The following ZRANB3 variants were observed in gnomAD, a reference collection of about 807,000 sequenced individuals.
ZRANB3 encodes zinc finger RANBP2-type containing 3.
A neutral mutation model predicts 133.8 loss-of-function variants in ZRANB3; 125 were observed. The observed-to-expected ratio is 0.93, with a 90% CI of 0.81 to 1.08. The LOEUF (loss-of-function observed/expected upper bound fraction) is 1.08. Ranked by LOEUF, ZRANB3 falls within the 50% of genes least tolerant of loss-of-function variation. The pLI is 0.00. For missense variants in ZRANB3, 1,229 were observed against 1,275.5 expected, an observed-to-expected ratio of 0.96 and a Z score of 0.56; for synonymous variants, 387 against 432.7, an observed-to-expected ratio of 0.89 and a Z score of 1.31.
At chr2:135,329,371 A>ATG (rs1558920887) in intron 6 of ZRANB3, among the ~76,000 whole-genome samples, 1 of 151,972 alleles carries the variant, frequency 6.6e-6, no homozygotes, top group Non-Finnish European at 1.5e-5. Context: ...ATGGTTGTAG[A>ATG]TGTGTGGTGT....
intron 2 of ZRANB3, among the ~76,000 whole-genome samples, chr2:135,416,439 C>A (rs1310256334): frequency 4.6e-5 from 7 of 152,168 alleles, no homozygotes; most frequent in African/African-American, 1.7e-4. Flanking sequence ...CTACAAACCA[C>A]TGCTCAATGA....
intron 2 of ZRANB3, among the ~76,000 whole-genome samples, chr2:135,422,560 G>A (rs1688909632): frequency 6.6e-6 from 1 of 152,164 alleles, no homozygotes; most frequent in African/African-American, 2.4e-5. Flanking sequence ...AATTCCAGAA[G>A]GTGGAAAGGA....
rs769732312 is a variant in ZRANB3, at chr2:135,313,477, A to G, written c.966+12T>C. 1.3e-6 allele frequency: 2 copies of G among 1,559,102 alleles called. No homozygotes were observed. The highest frequency in any genetic ancestry group is 8.8e-7 in the Non-Finnish European group (1 of 1,134,286). ...TATGAAGACAAATACATGATGGCCC[A>G]GCAAAGAGTACCTTGGCAATAGCAG... On this transcript the variant is annotated intron_variant, in intron 8 of 20. Transcript: ENST00000264159.
At chr2:135,404,866 T>G (rs1558975273) in intron 2 of ZRANB3, among the ~76,000 whole-genome samples, 1 of 152,112 alleles carries the variant, frequency 6.6e-6, no homozygotes, top group Non-Finnish European at 1.5e-5. Flanking sequence ...TGCAAAATCA[T>G]GCCAAAATGT....
chr2:135,416,598 GA>G (rs1211997854), intron 2 of ZRANB3, among the ~76,000 whole-genome samples: 1 of 150,900 alleles, frequency 6.6e-6, no homozygotes, highest in Non-Finnish European at 1.5e-5. Context: ...CACAGAATTG[GA>G]AAAAACTACT....
intron 2 of ZRANB3, among the ~76,000 whole-genome samples, chr2:135,403,976 G>A (rs145021185): frequency 0.032 from 4,821 of 152,064 alleles, 246 homozygotes; most frequent in African/African-American, 0.11. Context: ...AAAGACCAAA[G>A]GTAGATAAAA....
intron 6 of ZRANB3, 147 bp from the exon 7 acceptor site, chr2:135,315,677 C>A: frequency 1.6e-6 from 1 of 641,928 alleles, no homozygotes; most frequent in South Asian, 3.2e-5. Flanking sequence ...TCAAAAAGCT[C>A]AGCCTGAAAA....
At chr2:135,353,810 G>A (rs1307614790) in intron 3 of ZRANB3, among the ~76,000 whole-genome samples, 182 bp from the exon 4 acceptor site, 1 of 151,980 alleles carries the variant, frequency 6.6e-6, no homozygotes. Context: ...AGACCAGCCT[G>A]GCCAACATGG....
At chr2:135,267,341 C>A (rs2105114709) in intron 11 of ZRANB3, among the ~76,000 whole-genome samples, 1 of 152,202 alleles carries the variant, frequency 6.6e-6, no homozygotes, top group South Asian at 2.1e-4. Flanking sequence ...GTCTCTCTTC[C>A]TCTTCCTATA....
intron 1 of ZRANB3, among the ~76,000 whole-genome samples, chr2:135,520,036 C>G (rs1375118479): frequency 2.0e-5 from 3 of 151,810 alleles, no homozygotes; most frequent in Non-Finnish European, 4.4e-5. Context: ...CCGGACCTAT[C>G]AGTAATCACT....
At chr2:135,476,541 T>C (rs752560276) in intron 2 of ZRANB3, among the ~76,000 whole-genome samples, 1 of 152,158 alleles carries the variant, frequency 6.6e-6, no homozygotes, top group Admixed American at 6.5e-5. Flanking sequence ...TGAAAATTCC[T>C]ATAATAAAAA....
At chr2:135,475,922 A>G (rs991774138) in intron 2 of ZRANB3, among the ~76,000 whole-genome samples, 2 of 152,064 alleles carry the variant, frequency 1.3e-5, no homozygotes, top group Admixed American at 6.5e-5. Flanking sequence ...TACTAAAAAT[A>G]CCAAAATTAG....
rs768316771 is a variant in ZRANB3 at position 135,208,921 on chromosome 2, C to T, written c.2553G>A (p.Gly851=). The T allele has an allele frequency of 3.7e-6, 6 of 1,613,914 alleles. No individual in the cohort carries two copies. Among genetic ancestry groups the T allele is most frequent in the Non-Finnish European group, 3.4e-6 (4 of 1,179,878 alleles). The change falls in exon 18 of 21, where the codon GGG becomes GGA. Residue 851 remains glycine, a synonymous_variant. Coordinates refer to ENST00000264159, the MANE Select transcript of ZRANB3 (RefSeq NM_032143.4). ...VASMDKVKNV[G]GHVRLITKES... ...CCTTTGTGATCAGACGGACATGGCCCCCAACATTCTTCACTTTGTCCATTG... is the reference window on the plus strand; with the variant it reads ...CCTTTGTGATCAGACGGACATGGCCTCCAACATTCTTCACTTTGTCCATTG...
chr2:135,462,434 G>A (rs775066841), intron 2 of ZRANB3, among the ~76,000 whole-genome samples: 11 of 152,140 alleles, frequency 7.2e-5, no homozygotes, highest in Non-Finnish European at 1.5e-4. Context: ...CGTGGCAAAT[G>A]TAGCCTATTC....
chr2:135,356,901 C>G (rs1375724255), intron 3 of ZRANB3, among the ~76,000 whole-genome samples: 1 of 151,926 alleles, frequency 6.6e-6, no homozygotes, highest in African/African-American at 2.4e-5. Context: ...GCAGGCTGGT[C>G]TCGAACTCCT....
At chr2:135,493,076 T>C (rs1240417120) in intron 2 of ZRANB3, among the ~76,000 whole-genome samples, 15 of 113,002 alleles carry the variant, frequency 1.3e-4, no homozygotes, top group African/African-American at 4.9e-4. Flanking sequence ...TCACCCCGTA[T>C]TTAAAAATTG....
At chr2:135,489,050 A>C (rs1300930735) in intron 2 of ZRANB3, among the ~76,000 whole-genome samples, 4 of 151,998 alleles carry the variant, frequency 2.6e-5, no homozygotes, top group East Asian at 3.9e-4. Context: ...TCTAGCCCAT[A>C]CTGTTTGCAA....
At chr2:135,359,597 CAAAGAAAAGAAA>C (rs1378455832) in intron 3 of ZRANB3, among the ~76,000 whole-genome samples, 9 of 139,040 alleles carry the variant, frequency 6.5e-5, no homozygotes, top group South Asian at 4.7e-4. Context: ...AAAAAGGAAA[CAAAGAAAAGAAA>C]AAAGAAAAGA....
intron 3 of ZRANB3, among the ~76,000 whole-genome samples, chr2:135,385,211 A>C (rs1205484179): frequency 1.3e-5 from 2 of 152,210 alleles, no homozygotes; most frequent in African/African-American, 4.8e-5. Context: ...ACAAACAGAG[A>C]GCCAAATGGT....
Sources: allele counts gnomAD v4.1 joint callset (sites outside exome capture counted in the v4.1 genomes callset), GRCh38; gene constraint gnomAD v4.1.1; transcripts MANE v1.5; gene names NCBI Gene and HGNC (gene_info 2026-07-23, HGNC 2026-07-21).